ADGRB3: variants seen among roughly 807,000 people sequenced by gnomAD.
ADGRB3 encodes adhesion G protein-coupled receptor B3.
ADGRB3 carries 37 observed loss-of-function variants against 193.4 expected under a neutral mutation model. The ratio of observed to expected loss-of-function variants is 0.19; its 90% CI spans 0.15 to 0.25. The LOEUF (loss-of-function observed/expected upper bound fraction) is 0.25. Ranked by LOEUF, ADGRB3 falls within the 10% of genes least tolerant of loss-of-function variation. The probability of loss-of-function intolerance (pLI) is 1.00; values close to 1 mark genes in which losing one functional copy is unlikely to be tolerated. For missense variants in ADGRB3, 1,637 were observed against 1,852.9 expected, an observed-to-expected ratio of 0.88 and a Z score of 2.14; for synonymous variants, 690 against 644.2, an observed-to-expected ratio of 1.07 and a Z score of -1.08.
intron 20 of ADGRB3, among the ~76,000 whole-genome samples, chr6:69,248,346 CA>C (rs3839478): frequency 1.3e-5 from 2 of 151,538 alleles, no homozygotes; most frequent in East Asian, 1.9e-4. Flanking sequence ...GATATTCTCA[CA>C]AAAAAAATGA....
intron 13 of ADGRB3, among the ~76,000 whole-genome samples, chr6:69,034,983 A>G (rs1240416855): frequency 6.6e-6 from 1 of 152,076 alleles, no homozygotes; most frequent in Non-Finnish European, 1.5e-5. Context: ...AGTGTCCTTA[A>G]TAGTCTATTG....
At chr6:68,755,599 T>C (rs992041864) in intron 3 of ADGRB3, among the ~76,000 whole-genome samples, 1 of 151,984 alleles carries the variant, frequency 6.6e-6, no homozygotes, top group Non-Finnish European at 1.5e-5. Context: ...AGGTGAACAA[T>C]AAAAATGAAT....
At chr6:68,821,393 C>T (rs1767745617) in intron 3 of ADGRB3, among the ~76,000 whole-genome samples, 1 of 151,908 alleles carries the variant, frequency 6.6e-6, no homozygotes, top group Non-Finnish European at 1.5e-5. Flanking sequence ...GCTTATTCCA[C>T]TGTACACTAC....
At chr6:68,878,701 C>G (rs1765654813) in intron 3 of ADGRB3, among the ~76,000 whole-genome samples, 1 of 152,100 alleles carries the variant, frequency 6.6e-6, no homozygotes, top group Non-Finnish European at 1.5e-5. Flanking sequence ...TTGCCTGAAT[C>G]CCTCAAAATG....
intron 17 of ADGRB3, among the ~76,000 whole-genome samples, chr6:69,123,896 A>C (rs1247125555): frequency 6.6e-6 from 1 of 152,176 alleles, no homozygotes; most frequent in Non-Finnish European, 1.5e-5. Flanking sequence ...TAAGGACTTA[A>C]TTACTTGGAG....
intron 17 of ADGRB3, among the ~76,000 whole-genome samples, chr6:69,137,056 C>CTTTTTTTTTTTT (rs71548125): frequency 1.2e-5 from 1 of 80,112 alleles, no homozygotes; most frequent in Non-Finnish European, 2.4e-5. Context: ...TCTTTTCTTT[C>CTTTTTTTTTTTT]TTTTTTTTTT....
In ADGRB3 at chr6:69,354,325, C is replaced by T. The variant is rs761294710; in HGVS notation, c.3552C>T (p.Ile1184=). The T allele has an allele frequency of 1.1e-5, 18 of 1,610,116 alleles. No individual in the cohort carries two copies. The East Asian group carries it at 1.3e-4, about 12-fold the overall frequency. Residue 1184 remains isoleucine, a synonymous_variant, in exon 27 of 32, where the codon ATC becomes ATT. Coordinates refer to ENST00000370598, the MANE Select transcript of ADGRB3 (RefSeq NM_001704.3). Reference sequence around the variant, plus strand: ...CGTTTCCTAATGGGCATGCTCAAATCATGGTGAGTTTTTATTTTTCCCCGA... The same window carrying T: ...CGTTTCCTAATGGGCATGCTCAAATTATGGTGAGTTTTTATTTTTCCCCGA... The part of the protein sequence containing the change: ...SSSFPNGHAQ[I]MTDFEKDVDI...
At chr6:69,195,522 C>CAAAA (rs542731165) in intron 17 of ADGRB3, among the ~76,000 whole-genome samples, 3 of 65,106 alleles carry the variant, frequency 4.6e-5, no homozygotes, top group Non-Finnish European at 1.0e-4. Context: ...TATCCTGTCT[C>CAAAA]AAAAAAAAAA....
At chr6:69,129,289 T>C (rs1025282679) in intron 17 of ADGRB3, among the ~76,000 whole-genome samples, 5 of 152,166 alleles carry the variant, frequency 3.3e-5, no homozygotes, top group Non-Finnish European at 7.4e-5. Flanking sequence ...GGAATTAAAT[T>C]AATGCCTATG....
chr6:69,288,391 G>T (rs1767597830), intron 20 of ADGRB3, among the ~76,000 whole-genome samples: 1 of 151,956 alleles, frequency 6.6e-6, no homozygotes, highest in Non-Finnish European at 1.5e-5. Context: ...CCTTTTTTAT[G>T]GCTGCATAGT....
intron 20 of ADGRB3, among the ~76,000 whole-genome samples, chr6:69,256,083 C>T (rs1162648741): frequency 1.3e-5 from 2 of 151,438 alleles, no homozygotes; most frequent in African/African-American, 4.9e-5. Context: ...GGTACCAGTA[C>T]CATGCTGTTT....
intron 3 of ADGRB3, among the ~76,000 whole-genome samples, chr6:68,652,008 T>C (rs1175236104): frequency 1.3e-5 from 2 of 152,112 alleles, no homozygotes; most frequent in African/African-American, 4.8e-5. Flanking sequence ...TTATCTAGGA[T>C]CCTATGGCCT....
intron 20 of ADGRB3, among the ~76,000 whole-genome samples, chr6:69,263,425 C>T (rs1443836085): frequency 6.6e-6 from 1 of 151,990 alleles, no homozygotes; most frequent in East Asian, 1.9e-4. Context: ...TGCATTTTGA[C>T]ACAAGAAAGT....
At chr6:68,907,109 G>A (rs541358279) in intron 3 of ADGRB3, among the ~76,000 whole-genome samples, 13 of 151,710 alleles carry the variant, frequency 8.6e-5, no homozygotes, top group East Asian at 7.7e-4. Flanking sequence ...TCAGTAATTC[G>A]GATTCAAATT....
intron 17 of ADGRB3, among the ~76,000 whole-genome samples, chr6:69,215,965 C>T (rs1278260228): frequency 6.6e-6 from 1 of 152,196 alleles, no homozygotes; most frequent in Non-Finnish European, 1.5e-5. Flanking sequence ...TCTACCTTGA[C>T]TACTTTCTAG....
chr6:68,914,222 A>C (rs1457786878), intron 3 of ADGRB3, among the ~76,000 whole-genome samples: 186 of 150,598 alleles, frequency 1.2e-3, no homozygotes, highest in African/African-American at 4.4e-3. Context: ...GAGAAGAGCA[A>C]CTCCAAGACA....
Position 69,062,687 on chromosome 6 carries a change from T to C in ADGRB3, c.2334-247T>C, listed in dbSNP as rs1279346714. On this transcript the variant is annotated intron_variant, in intron 15 of 31. Transcript: ENST00000370598. ...AATCAGATTTAAGTAATCAAAAGCT[T>C]ATCAGTGCTGTTGCTTTCTCATATT... Among the ~76,000 whole-genome samples the C allele has an allele frequency of 2.0e-5, 3 of 151,954 alleles. No homozygotes were observed. The East Asian group carries it at 5.8e-4, about 29-fold the overall frequency.
At chr6:69,148,294 C>T (rs969505733) in intron 17 of ADGRB3, among the ~76,000 whole-genome samples, 1 of 151,768 alleles carries the variant, frequency 6.6e-6, no homozygotes, top group Non-Finnish European at 1.5e-5. Context: ...TTTGTATATA[C>T]ATTGTGTGTT....
At chr6:68,848,281 GTAA>G in intron 3 of ADGRB3, among the ~76,000 whole-genome samples, 1 of 152,056 alleles carries the variant, frequency 6.6e-6, no homozygotes, top group South Asian at 2.1e-4. Flanking sequence ...TTGCACTCTG[GTAA>G]TAATACATGA....
Sources: gnomAD v4.1 joint callset for allele counts (sites outside exome capture counted in the v4.1 genomes callset) on GRCh38, gnomAD v4.1.1 for gene constraint, MANE v1.5 for transcripts, NCBI Gene and HGNC (gene_info 2026-07-23, HGNC 2026-07-21) for gene names.